The following ZSWIM6 variants were observed in gnomAD, a reference collection of about 807,000 sequenced individuals.
ZSWIM6 encodes zinc finger SWIM domain-containing protein 6.
In ZSWIM6, 9 loss-of-function variants were observed where a neutral mutation model predicts 113.2. The ratio of observed to expected loss-of-function variants is 0.08; its 90% CI spans 0.05 to 0.14. The LOEUF (loss-of-function observed/expected upper bound fraction) is 0.14. Ranked by LOEUF, ZSWIM6 falls within the 10% of genes least tolerant of loss-of-function variation. ZSWIM6 has a pLI of 1.00. For missense variants in ZSWIM6, 1,162 were observed against 1,552.2 expected (o/e 0.75, Z 4.22); for synonymous variants, 611 against 606.5 (o/e 1.01, Z -0.11).
chr5:61,403,157 G>A (rs908853948), intron 1 of ZSWIM6, among the ~76,000 whole-genome samples: 4 of 152,216 alleles, frequency 2.6e-5, no homozygotes, highest in African/African-American at 9.6e-5. Context: ...GAGGACACAT[G>A]TCTTTGATAG....
At chr5:61,429,643 T>C (rs1371960518) in intron 1 of ZSWIM6, among the ~76,000 whole-genome samples, 1 of 152,126 alleles carries the variant, frequency 6.6e-6, no homozygotes, top group Non-Finnish European at 1.5e-5. Flanking sequence ...AGGATGGTGA[T>C]AAGAAGAAAA....
intron 4 of ZSWIM6, among the ~76,000 whole-genome samples, chr5:61,505,680 T>TTCCTTCCC (rs1482495451): frequency 3.7e-5 from 2 of 53,576 alleles, no homozygotes; most frequent in Non-Finnish European, 7.3e-5. Flanking sequence ...CCTTCTTTCC[T>TTCCTTCCC]TGCCTCCCTC....
At chr5:61,502,986 T>C (rs1748514831) in intron 4 of ZSWIM6, among the ~76,000 whole-genome samples, 1 of 152,166 alleles carries the variant, frequency 6.6e-6, no homozygotes, top group Admixed American at 6.5e-5. Flanking sequence ...TGGGGACTGC[T>C]GTACTAAAGG....
chr5:61,372,881 T>C (rs1359954887), intron 1 of ZSWIM6, among the ~76,000 whole-genome samples: 4 of 152,190 alleles, frequency 2.6e-5, no homozygotes, highest in Admixed American at 2.6e-4. Context: ...TTTCTTTTTT[T>C]CATTTAGTTA....
chr5:61,505,622 C>CCTT (rs1748582745), intron 4 of ZSWIM6, among the ~76,000 whole-genome samples: 2 of 71,870 alleles, frequency 2.8e-5, no homozygotes, highest in African/African-American at 1.1e-4. Flanking sequence ...TTCCTTCCTT[C>CCTT]CTTCCTTCCT....
chr5:61,364,565 G>A (rs1258761490), intron 1 of ZSWIM6, among the ~76,000 whole-genome samples: 1 of 152,032 alleles, frequency 6.6e-6, no homozygotes, highest in Non-Finnish European at 1.5e-5. Flanking sequence ...TTAGTCCTTT[G>A]GGGCTACTGT....
At chr5:61,389,693 A>G (rs1227115383) in intron 1 of ZSWIM6, among the ~76,000 whole-genome samples, 1 of 152,186 alleles carries the variant, frequency 6.6e-6, no homozygotes, top group Non-Finnish European at 1.5e-5. Context: ...TCAGAATACA[A>G]TTTTGACAGA....
At position 61,472,896 on chromosome 5, in the gene ZSWIM6, A is replaced by T; in HGVS notation, c.892A>T (p.Thr298Ser). ...CAAACTGCATCTTCCTATTTCAGAG[A>T]CTCTCTTTCAAATGAATAGAGACCA... is the stretch of plus-strand genomic sequence containing the variant. ...QVKLHLPISE[T>S]LFQMNRDQLQ... Residue 298 changes from threonine to serine, a missense_variant, in exon 2 of 14, where the codon ACT becomes TCT. Coordinates refer to ENST00000252744, the MANE Select transcript of ZSWIM6 (RefSeq NM_020928.2). The surrounding 1 kb of genome is among the most constrained non-coding windows in gnomAD (Gnocchi z 4.1). 6.4e-7 allele frequency: 1 copy of T among 1,551,574 alleles called. No individual in the cohort carries two copies. Among genetic ancestry groups the T allele is most frequent in the Non-Finnish European group, 8.7e-7 (1 of 1,146,936 alleles).
intron 1 of ZSWIM6, among the ~76,000 whole-genome samples, chr5:61,343,720 A>G (rs912639356): frequency 9.2e-5 from 14 of 152,238 alleles, no homozygotes; most frequent in African/African-American, 2.9e-4. Context: ...TGTGATTTTT[A>G]TAATAAGTAC....
intron 1 of ZSWIM6, among the ~76,000 whole-genome samples, chr5:61,372,947 A>T (rs1745297302): frequency 6.6e-6 from 1 of 152,126 alleles, no homozygotes. Context: ...AACATTTCTT[A>T]AAAAATTATA....
rs555049690 is a variant in ZSWIM6 at position 61,338,103 on chromosome 5, A to G, written c.676+5155A>G. 5.5e-4 allele frequency among the ~76,000 whole-genome samples: 84 copies of G among 152,002 alleles called. 2 individuals are homozygous for G. The highest frequency in any genetic ancestry group is 1.7e-3 in the South Asian group (8 of 4,820). The stretch of plus-strand genomic sequence containing the variant: ...AAAAGAATATCGCCCAGCATTCCAC[A>G]TAACATTCTGGTAAACACATTCTTA... On this transcript the variant is annotated intron_variant, in intron 1 of 13. Coordinates refer to ENST00000252744, the MANE Select transcript of ZSWIM6 (RefSeq NM_020928.2).
At chr5:61,479,971 C>A (rs1385652484) in intron 2 of ZSWIM6, among the ~76,000 whole-genome samples, 1 of 151,842 alleles carries the variant, frequency 6.6e-6, no homozygotes, top group Non-Finnish European at 1.5e-5. Flanking sequence ...TTAAAGCCTG[C>A]AAACATAGTT....
chr5:61,513,568 ATT>A (rs1183596308), intron 4 of ZSWIM6, among the ~76,000 whole-genome samples: 1 of 151,954 alleles, frequency 6.6e-6, no homozygotes, highest in Non-Finnish European at 1.5e-5. Context: ...GGTTACAATG[ATT>A]TTCTCCTAAA....
At chr5:61,434,265 A>G (rs1021738566) in intron 1 of ZSWIM6, among the ~76,000 whole-genome samples, 12 of 150,166 alleles carry the variant, frequency 8.0e-5, no homozygotes, top group African/African-American at 2.9e-4. Context: ...ACATTTTACT[A>G]TGGAAAACTT....
rs369978979 is a variant in ZSWIM6 at position 61,489,143 on chromosome 5, A to G, written c.1034-1643A>G. Reference sequence around the variant, plus strand: ...CCATGCACCATGTTTTTTCCTGCCTAAGGGCTATGCTCAAGTTCTTCTCAC... The same window carrying G: ...CCATGCACCATGTTTTTTCCTGCCTGAGGGCTATGCTCAAGTTCTTCTCAC... On this transcript the variant is annotated intron_variant, in intron 2 of 13. Coordinates refer to ENST00000252744, the MANE Select transcript of ZSWIM6 (RefSeq NM_020928.2). Among the ~76,000 whole-genome samples, 6 of 151,880 alleles carry G rather than the reference A, an allele frequency of 4.0e-5. No individual in the cohort carries two copies. In the East Asian group the frequency reaches 9.7e-4, roughly 24 times the overall value.
At chr5:61,424,947 C>T (rs1561232079) in intron 1 of ZSWIM6, among the ~76,000 whole-genome samples, 3 of 152,008 alleles carry the variant, frequency 2.0e-5, no homozygotes, top group Admixed American at 1.3e-4. Context: ...AGGCTGGTCT[C>T]GAACTCCTGA....
intron 1 of ZSWIM6, among the ~76,000 whole-genome samples, chr5:61,451,319 T>G (rs1580002888): frequency 6.6e-6 from 1 of 152,316 alleles, no homozygotes; most frequent in East Asian, 1.9e-4. Context: ...TTAATCCAAA[T>G]TATGCTTTAA....
At chr5:61,371,365 T>C (rs1745258077) in intron 1 of ZSWIM6, among the ~76,000 whole-genome samples, 1 of 152,230 alleles carries the variant, frequency 6.6e-6, no homozygotes, top group South Asian at 2.1e-4. Context: ...AATTATAAAA[T>C]TGGCACTGCA....
intron 1 of ZSWIM6, among the ~76,000 whole-genome samples, chr5:61,426,971 G>A (rs772956919): frequency 5.9e-5 from 9 of 152,148 alleles, no homozygotes; most frequent in Non-Finnish European, 8.8e-5. Flanking sequence ...CAGTCAAAGC[G>A]TTTTCCAATT....
Sources: allele counts gnomAD v4.1 joint callset (sites outside exome capture counted in the v4.1 genomes callset), GRCh38; gene constraint gnomAD v4.1.1; non-coding constraint Gnocchi (gnomAD v3.1); transcripts MANE v1.5; gene names NCBI Gene and HGNC (gene_info 2026-07-23, HGNC 2026-07-21).